Variants in POLR1A observed in about 807,000 individuals in gnomAD.
POLR1A encodes DNA-directed RNA polymerase I subunit RPA1.
In POLR1A, 84 loss-of-function variants were observed where a neutral mutation model predicts 205.3. The ratio of observed to expected loss-of-function variants is 0.41; its 90% CI spans 0.34 to 0.49. The LOEUF (loss-of-function observed/expected upper bound fraction) is 0.49. Ranked by LOEUF, POLR1A falls within the 20% of genes least tolerant of loss-of-function variation. The pLI is 0.22. For missense variants in POLR1A, 1,645 were observed against 2,204.5 expected, an observed-to-expected ratio of 0.75 and a Z score of 5.08; for synonymous variants, 799 against 863.7, an observed-to-expected ratio of 0.93 and a Z score of 1.31.
At chr2:86,082,965 T>C in intron 7 of POLR1A, 117 bp downstream of exon 7, 1 of 761,822 alleles carries the variant, frequency 1.3e-6, no homozygotes, top group Non-Finnish European at 2.2e-6. Context: ...TCTGGATCAG[T>C]TCCAGGAGGA....
chr2:86,033,190 T>G (rs1289917375), intron 28 of POLR1A, among the ~76,000 whole-genome samples: 1 of 152,264 alleles, frequency 6.6e-6, no homozygotes, highest in Non-Finnish European at 1.5e-5. Flanking sequence ...TACTGGTTTT[T>G]TCCCTCTTCC....
chr2:86,071,801 C>G (rs927420581), intron 12 of POLR1A, among the ~76,000 whole-genome samples: 1 of 152,160 alleles, frequency 6.6e-6, no homozygotes, highest in African/African-American at 2.4e-5. Flanking sequence ...GCCTCCTAAA[C>G]ACTGAACATA....
intron 1 of POLR1A, among the ~76,000 whole-genome samples, chr2:86,101,925 G>A (rs908552857): frequency 1.9e-4 from 29 of 152,074 alleles, no homozygotes; most frequent in African/African-American, 6.0e-4. Context: ...ACTTAGCACC[G>A]TGCCCTCAAG....
chr2:86,065,809 GT>G (rs1673075475), intron 13 of POLR1A: 1 of 231,352 alleles, frequency 4.3e-6, no homozygotes, highest in East Asian at 1.1e-4. Context: ...TCTGGCTGCT[GT>G]CAGCTGTGTT....
chr2:86,086,578 A>G (rs1436351818), intron 6 of POLR1A, among the ~76,000 whole-genome samples: 1 of 152,224 alleles, frequency 6.6e-6, no homozygotes, highest in Non-Finnish European at 1.5e-5. Context: ...GGTCCTTGGC[A>G]TAATGCTGAG....
rs78117048 is a variant in POLR1A at position 86,052,540 on chromosome 2, C to T, written c.2392+277G>A. 8.1e-4 allele frequency among the ~76,000 whole-genome samples: 123 copies of T among 152,288 alleles called. 4 individuals are homozygous for T. The East Asian group carries it at 0.02, about 25-fold the overall frequency. ...ACTTCCCAGCTCCTTCCCGAGAGGA[C>T]ACAGAAAAGAATTTCTAGCTGTGTA... On this transcript the variant is annotated intron_variant, in intron 16 of 33. Coordinates refer to ENST00000263857, the MANE Select transcript of POLR1A (RefSeq NM_015425.6).
intron 27 of POLR1A, chr2:86,036,934 A>G (rs1324201326): frequency 6.6e-6 from 1 of 152,280 alleles, no homozygotes; most frequent in Non-Finnish European, 1.5e-5. Context: ...ATATAAGTAA[A>G]AAGAACCCCA....
In POLR1A at chr2:86,024,184, C is replaced by T. The variant is rs114148280; in HGVS notation, c.*3239G>A. On this transcript the variant is annotated 3_prime_UTR_variant, in exon 34 of 34. Transcript: ENST00000263857. ...ATGAGGAGGTATCAGCAGCCTCAAGCAAGAAGGCAATTCTGACACATGCTA... is the reference window on the plus strand; with the variant it reads ...ATGAGGAGGTATCAGCAGCCTCAAGTAAGAAGGCAATTCTGACACATGCTA... 801 of 180,866 alleles carry T rather than the reference C, an allele frequency of 4.4e-3. 7 individuals carry two copies. The highest frequency in any genetic ancestry group is 0.018 in the African/African-American group (749 of 42,692). 11.2% of individuals were successfully genotyped at this position (180,866 alleles called of 1,614,324 possible).
In POLR1A at chr2:86,080,873, T is replaced by G; in HGVS notation, c.1029A>C (p.Ala343=). 1 of 1,614,140 alleles carries G rather than the reference T, an allele frequency of 6.2e-7. No individual in the cohort carries two copies. Among genetic ancestry groups the G allele is most frequent in the Non-Finnish European group, 8.5e-7 (1 of 1,180,004 alleles). The change falls in exon 9 of 34, where the codon GCA becomes GCC. Residue 343 remains alanine (A), a synonymous_variant. Transcript: ENST00000263857. ...GCAACTTCTGTTCTTGGGCCATCAA[T>G]GCCAGAAGTTTTCGAATCAGAACTA... ...KDVVLIRKLL[A]LMAQEQKLPE...
At chr2:86,071,033 T>C (rs887909911) in intron 12 of POLR1A, among the ~76,000 whole-genome samples, 1 of 151,570 alleles carries the variant, frequency 6.6e-6, no homozygotes. Flanking sequence ...GACTGCCCCA[T>C]AGAAGGGGCA....
intron 12 of POLR1A, among the ~76,000 whole-genome samples, chr2:86,074,152 C>T (rs533202466): frequency 9.2e-5 from 14 of 152,182 alleles, no homozygotes; most frequent in African/African-American, 1.2e-4. Flanking sequence ...TGGGCACCGC[C>T]GCAAGGCCAG....
intron 13 of POLR1A, 56 bp from the exon 14 acceptor site, chr2:86,065,521 C>T: frequency 1.3e-6 from 2 of 1,501,524 alleles, no homozygotes; most frequent in Non-Finnish European, 1.8e-6. Flanking sequence ...AAGTCAAACT[C>T]TAATCCCTAA....
intron 12 of POLR1A, among the ~76,000 whole-genome samples, chr2:86,072,942 G>C (rs1254108927): frequency 1.3e-5 from 2 of 152,222 alleles, no homozygotes; most frequent in Non-Finnish European, 2.9e-5. Flanking sequence ...GCCAGGAGCA[G>C]TGGCTCATGC....
intron 14 of POLR1A, among the ~76,000 whole-genome samples, chr2:86,055,230 G>A (rs1672875744): frequency 6.6e-6 from 1 of 151,820 alleles, no homozygotes; most frequent in South Asian, 2.1e-4. Context: ...AGAAGGCAGA[G>A]ATTGCAGTTA....
At chr2:86,034,162 G>C (rs759554485) in intron 27 of POLR1A, among the ~76,000 whole-genome samples, 2 of 152,180 alleles carry the variant, frequency 1.3e-5, no homozygotes, top group African/African-American at 4.8e-5. Context: ...CACAGCGCCT[G>C]GCAGAGTGCG....
At chr2:86,103,912 G>A (rs1002905356) in intron 1 of POLR1A, among the ~76,000 whole-genome samples, 5 of 152,192 alleles carry the variant, frequency 3.3e-5, no homozygotes, top group Non-Finnish European at 7.3e-5. Context: ...AAAGGACACT[G>A]CATGCAGAGG....
intron 14 of POLR1A, among the ~76,000 whole-genome samples, chr2:86,059,554 T>C (rs975639855): frequency 5.3e-5 from 8 of 152,148 alleles, no homozygotes; most frequent in African/African-American, 1.7e-4. Context: ...GAAGGTATGA[T>C]ATGATTTTAT....
At chr2:86,099,064 G>A (rs1026423215) in intron 2 of POLR1A, among the ~76,000 whole-genome samples, 1 of 152,018 alleles carries the variant, frequency 6.6e-6, no homozygotes, top group Non-Finnish European at 1.5e-5. Context: ...AGCCAGGTGC[G>A]GTGGCTCATG....
intron 30 of POLR1A, 103 bp downstream of exon 30, chr2:86,031,226 GC>G: frequency 7.0e-7 from 1 of 1,430,302 alleles, no homozygotes; most frequent in Non-Finnish European, 9.2e-7. Context: ...AATGTTGGCT[GC>G]CCCCTGCCCA....
Sources: allele counts gnomAD v4.1 joint callset (sites outside exome capture counted in the v4.1 genomes callset), GRCh38; gene constraint gnomAD v4.1.1; transcripts MANE v1.5; gene names NCBI Gene and HGNC (gene_info 2026-07-23, HGNC 2026-07-21).